The following DCDC1 variants were observed in gnomAD, a reference collection of about 807,000 sequenced individuals.
DCDC1 encodes the protein doublecortin domain containing 1.
DCDC1 carries 200 observed loss-of-function variants against 178.3 expected under a neutral mutation model. The observed-to-expected ratio is 1.12, with a 90% CI of 1.00 to 1.26. DCDC1 has a LOEUF of 1.26. Ranked by LOEUF, DCDC1 falls within the 50% of genes most tolerant of loss-of-function variation. The pLI, the probability that DCDC1 is intolerant of heterozygous loss-of-function variation, is 0.00. For missense variants in DCDC1, 1,983 were observed against 1,749.2 expected, an observed-to-expected ratio of 1.13 and a Z score of -2.38; for synonymous variants, 690 against 604.8, an observed-to-expected ratio of 1.14 and a Z score of -2.07.
intron 9 of DCDC1, among the ~76,000 whole-genome samples, chr11:31,229,025 C>A (rs559620721): frequency 6.6e-6 from 1 of 151,878 alleles, no homozygotes; most frequent in Non-Finnish European, 1.5e-5. Context: ...GTACATATAC[C>A]CTGCCAAATG....
At chr11:30,982,751 C>T (rs978417902) in intron 20 of DCDC1, among the ~76,000 whole-genome samples, 11 of 151,980 alleles carry the variant, frequency 7.2e-5, no homozygotes, top group African/African-American at 2.7e-4. Context: ...ACTGATGCAC[C>T]GCCCCATCAG....
intron 36 of DCDC1, chr11:30,883,335 CAA>C (rs1301439230): frequency 4.7e-6 from 1 of 214,120 alleles, no homozygotes; most frequent in African/African-American, 2.4e-5. Context: ...GGAAAAGAGA[CAA>C]AGTGTATGAG....
chr11:31,330,829 C>A (rs910514669), intron 2 of DCDC1, among the ~76,000 whole-genome samples: 15 of 152,192 alleles, frequency 9.9e-5, no homozygotes, highest in African/African-American at 3.6e-4. Context: ...AGTCAGGTAG[C>A]GTAATGTCTC....
At chr11:30,930,673 G>A (rs185837265) in intron 22 of DCDC1, among the ~76,000 whole-genome samples, 183 of 152,114 alleles carry the variant, frequency 1.2e-3, no homozygotes, top group Non-Finnish European at 2.0e-3. Flanking sequence ...TTAAAACATT[G>A]ATGTGATAAT....
chr11:31,344,738 A>G (rs1950728877), intron 1 of DCDC1, among the ~76,000 whole-genome samples: 1 of 152,190 alleles, frequency 6.6e-6, no homozygotes, highest in African/African-American at 2.4e-5. Context: ...AAGAAAACCA[A>G]TTTCTAGATT....
intron 9 of DCDC1, among the ~76,000 whole-genome samples, chr11:31,219,061 C>G (rs1973936297): frequency 6.6e-6 from 1 of 151,948 alleles, no homozygotes; most frequent in African/African-American, 2.4e-5. Context: ...CGAAGGCTGG[C>G]CAGCCCATGC....
chr11:30,887,139 T>C (rs1178457583), intron 36 of DCDC1, among the ~76,000 whole-genome samples: 1 of 152,214 alleles, frequency 6.6e-6, no homozygotes, highest in Non-Finnish European at 1.5e-5. Flanking sequence ...AATGAAATGC[T>C]GTCCCTTGAA....
At chr11:31,001,228 T>G (rs962642741) in intron 20 of DCDC1, among the ~76,000 whole-genome samples, 19 of 152,198 alleles carry the variant, frequency 1.2e-4, no homozygotes, top group Admixed American at 3.3e-4. Flanking sequence ...ATTATCATTA[T>G]TTTTTCAATG....
chr11:31,331,804 A>C (rs908914695), intron 2 of DCDC1, among the ~76,000 whole-genome samples: 1 of 151,484 alleles, frequency 6.6e-6, no homozygotes, highest in African/African-American at 2.4e-5. Flanking sequence ...GGATTTTCGC[A>C]TCAATGTTCA....
At chr11:31,141,231 A>G (rs1026738291) in intron 9 of DCDC1, among the ~76,000 whole-genome samples, 1 of 152,226 alleles carries the variant, frequency 6.6e-6, no homozygotes, top group East Asian at 1.9e-4. Flanking sequence ...TCTCTTTTAT[A>G]GGAGAAAAAT....
At chr11:30,922,945 TAAG>T (rs1226060490) in intron 23 of DCDC1, among the ~76,000 whole-genome samples, 4 of 145,556 alleles carry the variant, frequency 2.7e-5, no homozygotes, top group South Asian at 4.2e-4. Context: ...AATAATTGTT[TAAG>T]AAGAAGAGGG....
At chr11:31,085,213 C>T (rs1957401237) in intron 17 of DCDC1, among the ~76,000 whole-genome samples, 1 of 150,448 alleles carries the variant, frequency 6.6e-6, no homozygotes, top group South Asian at 2.1e-4. Context: ...AATTGACATA[C>T]AGTATTGCAC....
At chr11:31,059,317 C>T (rs1261613066) in intron 20 of DCDC1, among the ~76,000 whole-genome samples, 4 of 151,790 alleles carry the variant, frequency 2.6e-5, no homozygotes, top group Admixed American at 1.3e-4. Flanking sequence ...TAAAATATAC[C>T]GAAACCTAAA....
chr11:31,361,505 A>G (rs920274491), intron 1 of DCDC1, among the ~76,000 whole-genome samples: 1 of 152,128 alleles, frequency 6.6e-6, no homozygotes, highest in Non-Finnish European at 1.5e-5. Flanking sequence ...TTTTAAGACA[A>G]GAGTCTTGCC....
intron 2 of DCDC1, among the ~76,000 whole-genome samples, chr11:31,332,989 T>A (rs1950079239): frequency 6.6e-6 from 1 of 152,200 alleles, no homozygotes; most frequent in South Asian, 2.1e-4. Context: ...GGTGTTAAAG[T>A]CTCCCATTAT....
At chr11:31,117,489 C>A (rs974891471) in intron 11 of DCDC1, among the ~76,000 whole-genome samples, 4 of 151,936 alleles carry the variant, frequency 2.6e-5, no homozygotes, top group African/African-American at 9.7e-5. Context: ...CCTGGGTTAT[C>A]TGCCAGCCCT....
chr11:31,250,157 T>C (rs921652036), intron 8 of DCDC1, among the ~76,000 whole-genome samples: 4 of 151,840 alleles, frequency 2.6e-5, no homozygotes. Context: ...TAAATGGGTG[T>C]ATCTGTAGGA....
At chr11:31,186,470 T>C (rs1969507025) in intron 9 of DCDC1, among the ~76,000 whole-genome samples, 1 of 152,182 alleles carries the variant, frequency 6.6e-6, no homozygotes, top group African/African-American at 2.4e-5. Context: ...GAGGCCTACC[T>C]ACCTCTGTGC....
chr11:31,307,211 A>G (rs1328455915), intron 4 of DCDC1, among the ~76,000 whole-genome samples: 1 of 152,238 alleles, frequency 6.6e-6, no homozygotes, highest in Non-Finnish European at 1.5e-5. Flanking sequence ...TCTTCTGTCT[A>G]TGAACTCTCA....
Sources: allele counts gnomAD v4.1 joint callset (sites outside exome capture counted in the v4.1 genomes callset), GRCh38; gene constraint gnomAD v4.1.1; transcripts MANE v1.5; gene names NCBI Gene and HGNC (gene_info 2026-07-23, HGNC 2026-07-21).